The following THSD7B variants were observed in gnomAD, a reference collection of about 807,000 sequenced individuals.
THSD7B encodes the protein thrombospondin type-1 domain-containing protein 7B.
In THSD7B, 138 loss-of-function variants were observed where a neutral mutation model predicts 213.6. The ratio of observed to expected loss-of-function variants is 0.65; its 90% confidence interval spans 0.56 to 0.74. The LOEUF is 0.74. Ranked by LOEUF, THSD7B falls within the 30% of genes least tolerant of loss-of-function variation. The pLI is 0.00. For synonymous variants in THSD7B, 742 were observed against 687.0 expected, an observed-to-expected ratio of 1.08 and a Z score of -1.25; for missense variants, 1,931 against 1,991.5, an observed-to-expected ratio of 0.97 and a Z score of 0.58.
At chr2:137,282,357 C>A (rs955422117) in intron 12 of THSD7B, among the ~76,000 whole-genome samples, 2 of 152,136 alleles carry the variant, frequency 1.3e-5, no homozygotes, top group African/African-American at 4.8e-5. Context: ...TGTAGGTTGC[C>A]TGTTCACTCT....
At chr2:137,676,323 A>AGAT (rs1683697909) in intron 27 of THSD7B, among the ~76,000 whole-genome samples, 2 of 152,354 alleles carry the variant, frequency 1.3e-5, no homozygotes, top group South Asian at 4.1e-4. Flanking sequence ...ACCAATTTTA[A>AGAT]GATTGTGAAA....
intron 12 of THSD7B, among the ~76,000 whole-genome samples, chr2:137,403,878 G>T (rs1167114886): frequency 2.0e-5 from 3 of 152,196 alleles, no homozygotes; most frequent in Non-Finnish European, 2.9e-5. Context: ...AGAGGCCAGA[G>T]ATGCTGCTAC....
At chr2:137,632,157 A>G (rs1418367066) in intron 20 of THSD7B, among the ~76,000 whole-genome samples, 3 of 152,132 alleles carry the variant, frequency 2.0e-5, no homozygotes, top group Non-Finnish European at 4.4e-5. Context: ...TGTATCACCT[A>G]TTGTGTACAT....
At chr2:137,483,676 A>C (rs2105109191) in intron 15 of THSD7B, among the ~76,000 whole-genome samples, 1 of 152,296 alleles carries the variant, frequency 6.6e-6, no homozygotes, top group South Asian at 2.1e-4. Context: ...GTTTTATAAA[A>C]GTAACAGTGG....
intron 6 of THSD7B, among the ~76,000 whole-genome samples, chr2:137,168,299 A>G (rs908796572): frequency 6.6e-6 from 1 of 152,216 alleles, no homozygotes. Context: ...ATGAAACTCA[A>G]TAAATGAAAG....
chr2:136,851,486 G>T (rs559608076), intron 1 of THSD7B, among the ~76,000 whole-genome samples: 1 of 152,180 alleles, frequency 6.6e-6, no homozygotes, highest in Admixed American at 6.5e-5. Context: ...TAACATTTAT[G>T]TCATTGTATT....
chr2:137,374,027 C>G (rs570876840), intron 12 of THSD7B, among the ~76,000 whole-genome samples: 1 of 152,192 alleles, frequency 6.6e-6, no homozygotes, highest in Non-Finnish European at 1.5e-5. Context: ...GGTGTTATTT[C>G]TGAGGGCTCT....
At chr2:136,838,532 G>T (rs1573662478) in intron 1 of THSD7B, among the ~76,000 whole-genome samples, 1 of 152,038 alleles carries the variant, frequency 6.6e-6, no homozygotes, top group Admixed American at 6.6e-5. Flanking sequence ...TCAAATTAAG[G>T]GTATGCCAGT....
intron 7 of THSD7B, among the ~76,000 whole-genome samples, chr2:137,187,223 AG>A (rs1483724098): frequency 6.6e-5 from 10 of 152,140 alleles, no homozygotes; most frequent in African/African-American, 2.4e-4. Flanking sequence ...CTGCGAGGAC[AG>A]AGGCAACACT....
At chr2:137,246,197 T>C (rs905881870) in intron 10 of THSD7B, among the ~76,000 whole-genome samples, 2 of 152,130 alleles carry the variant, frequency 1.3e-5, no homozygotes, top group Non-Finnish European at 2.9e-5. Context: ...AGTGGAAACC[T>C]CGACTAATGA....
chr2:137,245,166 T>C (rs983231222), intron 10 of THSD7B, among the ~76,000 whole-genome samples: 3 of 151,582 alleles, frequency 2.0e-5, no homozygotes, highest in Middle Eastern at 3.2e-3. Context: ...ATGTATCTTG[T>C]TTTTTTTCCC....
In THSD7B at chr2:136,820,177, T is replaced by G. The variant is rs935327003; in HGVS notation, c.-36+54490T>G. On this transcript the variant is annotated intron_variant, in intron 1 of 27. Coordinates refer to ENST00000409968, the MANE Select transcript of THSD7B (RefSeq NM_001316349.2). Reference sequence around the variant, plus strand: ...AGGAAGACATTTTTGTTTCTTATTTTCTGTGATATCCCTAACACCTCAAAC... The same window carrying G: ...AGGAAGACATTTTTGTTTCTTATTTGCTGTGATATCCCTAACACCTCAAAC... Among the ~76,000 whole-genome samples the G allele has an allele frequency of 2.0e-5, 3 of 152,248 alleles. No homozygotes were observed. The South Asian group carries it at 6.2e-4, about 32-fold the overall frequency.
At chr2:137,458,861 A>G (rs1343940946) in intron 15 of THSD7B, among the ~76,000 whole-genome samples, 1 of 152,168 alleles carries the variant, frequency 6.6e-6, no homozygotes, top group Non-Finnish European at 1.5e-5. Context: ...ATCAGTGATT[A>G]CACCATTCTT....
At chr2:137,596,696 T>G (rs1441126480) in intron 17 of THSD7B, among the ~76,000 whole-genome samples, 1 of 151,962 alleles carries the variant, frequency 6.6e-6, no homozygotes, top group East Asian at 1.9e-4. Flanking sequence ...TCACCCTCTT[T>G]TTTTCTCCTC....
intron 2 of THSD7B, among the ~76,000 whole-genome samples, chr2:136,952,298 T>A (rs1019382797): frequency 2.0e-4 from 30 of 152,330 alleles, no homozygotes; most frequent in Non-Finnish European, 3.5e-4. Flanking sequence ...AGAAATAACT[T>A]AAATTGTTAT....
intron 15 of THSD7B, among the ~76,000 whole-genome samples, chr2:137,537,276 A>T (rs1680525013): frequency 6.6e-6 from 1 of 151,832 alleles, no homozygotes; most frequent in Non-Finnish European, 1.5e-5. Context: ...TGTCTACTAC[A>T]TATGAAGCCG....
intron 15 of THSD7B, among the ~76,000 whole-genome samples, chr2:137,506,761 TGTAAGCTCTC>T (rs1268025614): frequency 2.6e-5 from 4 of 152,232 alleles, no homozygotes; most frequent in African/African-American, 9.6e-5. Context: ...GCTAATGGAC[TGTAAGCTCTC>T]GTAGCCTGGG....
At chr2:137,036,682 A>T (rs1686781448) in intron 2 of THSD7B, among the ~76,000 whole-genome samples, 1 of 152,176 alleles carries the variant, frequency 6.6e-6, no homozygotes, top group South Asian at 2.1e-4. Flanking sequence ...TCCCAGAGGG[A>T]CTTAGCCAAG....
chr2:137,399,485 ACT>A (rs1369391376), intron 12 of THSD7B, among the ~76,000 whole-genome samples: 1 of 151,708 alleles, frequency 6.6e-6, no homozygotes, highest in Non-Finnish European at 1.5e-5. Flanking sequence ...GAGGCATAAC[ACT>A]CAGCCTCTTT....
Sources: allele counts gnomAD v4.1 joint callset (sites outside exome capture counted in the v4.1 genomes callset), GRCh38; gene constraint gnomAD v4.1.1; transcripts MANE v1.5; gene names NCBI Gene and HGNC (gene_info 2026-07-23, HGNC 2026-07-21).